Variants in LMO7 observed in about 807,000 individuals in gnomAD.
LMO7 encodes LIM domain 7.
In LMO7, 120 loss-of-function variants were observed where a neutral mutation model predicts 206.5. The ratio of observed to expected loss-of-function variants is 0.58; its 90% CI spans 0.50 to 0.68. LMO7 has a LOEUF of 0.68. Among genes scored for constraint, LMO7 ranks in the 30% least tolerant of loss-of-function variants. The pLI, the probability that LMO7 is intolerant of heterozygous loss-of-function variation, is 0.00. For missense variants in LMO7, 1,959 were observed against 1,957.9 expected (o/e 1.00, Z -0.01); for synonymous variants, 706 against 681.5 (o/e 1.04, Z -0.56).
Position 75,841,720 on chromosome 13 carries a change from G to T in LMO7, c.3768G>T (p.Lys1256Asn). 3.7e-6 allele frequency: 6 copies of T among 1,614,106 alleles called. No homozygotes were observed. The highest frequency in any genetic ancestry group is 5.1e-6 in the Non-Finnish European group (6 of 1,179,998). ...TWEATWSEGS[K>N]SSDREGTRAG... Reference sequence around the variant, plus strand: ...AAGCTACCTGGAGTGAAGGGTCCAAGTCTTCAGACAGAGAAGGAACCCGAG... The same window carrying T: ...AAGCTACCTGGAGTGAAGGGTCCAATTCTTCAGACAGAGAAGGAACCCGAG... The change falls in exon 24 of 31, where the codon AAG becomes AAT. Residue 1256 changes from lysine (K) to asparagine (N), a missense_variant. Coordinates refer to ENST00000377534, the MANE Select transcript of LMO7 (RefSeq NM_001306080.2).
chr13:75,640,568 A>G (rs951600594), intron 1 of LMO7, among the ~76,000 whole-genome samples: 1 of 152,162 alleles, frequency 6.6e-6, no homozygotes, highest in Non-Finnish European at 1.5e-5. Flanking sequence ...CCTGTCTTAC[A>G]TAAATCTCTC....
At chr13:75,855,131 T>G in intron 28 of LMO7, 129 bp from the exon 29 acceptor site, 1 of 529,402 alleles carries the variant, frequency 1.9e-6, no homozygotes, top group Non-Finnish European at 3.4e-6. Context: ...TAAAAGTTAT[T>G]CTCCCACAGA....
chr13:75,691,670 A>G (rs1163710064), intron 1 of LMO7, among the ~76,000 whole-genome samples: 1 of 151,958 alleles, frequency 6.6e-6, no homozygotes, highest in Non-Finnish European at 1.5e-5. Context: ...TTTCCTCTGT[A>G]CCCTACATAC....
chr13:75,628,192 C>T (rs2034461755), intron 2 of LMO7: 1 of 152,210 alleles, frequency 6.6e-6, no homozygotes, highest in Non-Finnish European at 1.5e-5. Flanking sequence ...AAATTTAGGA[C>T]CCTTGCCTTT....
chr13:75,804,826 C>A, intron 8 of LMO7: 1 of 1,101,046 alleles, frequency 9.1e-7, no homozygotes, highest in African/African-American at 1.6e-5. Context: ...TCATGATGAG[C>A]CATGCCATGT....
At chr13:75,713,316 AG>A in intron 2 of LMO7, 64 bp downstream of exon 2, 1 of 1,232,314 alleles carries the variant, frequency 8.1e-7, no homozygotes, top group East Asian at 2.5e-5. Context: ...GTGAGTGATG[AG>A]GTGTTTGGCT....
chr13:75,706,969 G>A (rs118097708), intron 1 of LMO7, among the ~76,000 whole-genome samples: 4,553 of 151,756 alleles, frequency 0.03, 94 homozygotes, highest in Admixed American at 0.047. Context: ...ATAATAATAA[G>A]GATTATTAAA....
At chr13:75,839,703 G>A (rs1333395885) in intron 20 of LMO7, 2 of 157,662 alleles carry the variant, frequency 1.3e-5, no homozygotes, top group African/African-American at 4.9e-5. Flanking sequence ...TTGGGATTTG[G>A]TAGATGTTGT....
At chr13:75,632,473 G>A (rs1186329823), upstream of LMO7, among the ~76,000 whole-genome samples, 2 of 152,058 alleles carry the variant, frequency 1.3e-5, no homozygotes, top group Non-Finnish European at 2.9e-5. Flanking sequence ...TTTATTGAGT[G>A]CCTACTCTAT....
intron 3 of LMO7, chr13:75,760,659 G>T (rs1293344744): frequency 6.7e-7 from 1 of 1,500,540 alleles, no homozygotes; most frequent in Non-Finnish European, 8.9e-7. Context: ...CACTTGTCCT[G>T]TAACAGGTAA....
chr13:75,756,959 C>T (rs1458703725), intron 3 of LMO7, among the ~76,000 whole-genome samples: 1 of 152,132 alleles, frequency 6.6e-6, no homozygotes, highest in Non-Finnish European at 1.5e-5. Context: ...GACAGTCCCC[C>T]AGAAAGCCCT....
At chr13:75,842,076 A>G (rs2059594724) in intron 24 of LMO7, 93 bp downstream of exon 24, 7 of 896,234 alleles carry the variant, frequency 7.8e-6, no homozygotes, top group Non-Finnish European at 1.0e-5. Context: ...CCTACCACCC[A>G]TTCTCCACAC....
At chr13:75,743,759 T>A (rs1284912584) in intron 3 of LMO7, among the ~76,000 whole-genome samples, 2 of 152,088 alleles carry the variant, frequency 1.3e-5, no homozygotes, top group Non-Finnish European at 2.9e-5. Context: ...CTAGGCTTAG[T>A]ACCTGGGTGA....
intron 1 of LMO7, among the ~76,000 whole-genome samples, chr13:75,672,304 C>T (rs1047239387): frequency 3.4e-5 from 5 of 148,658 alleles, no homozygotes; most frequent in East Asian, 2.0e-4. Context: ...TGCAATGGCA[C>T]AATCTCCACT....
At chr13:75,780,783 G>A (rs1352362468) in intron 4 of LMO7, among the ~76,000 whole-genome samples, 2 of 152,152 alleles carry the variant, frequency 1.3e-5, no homozygotes, top group Non-Finnish European at 2.9e-5. Context: ...TTCATTTGGG[G>A]AACTAATAAA....
In LMO7 at chr13:75,746,433, G is replaced by A. The variant is rs557556898; in HGVS notation, c.211-14499G>A. Among the ~76,000 whole-genome samples, 28 of 152,294 alleles carry A rather than the reference G, an allele frequency of 1.8e-4. No individual in the cohort carries two copies. The South Asian group carries it at 2.1e-3, about 11-fold the overall frequency. On this transcript the variant is annotated intron_variant, in intron 3 of 30. Coordinates refer to ENST00000377534, the MANE Select transcript of LMO7 (RefSeq NM_001306080.2). ...AAATGCTCTAAAGCAACAGATCAAC[G>A]GGCGTGTCCCCATGGAGAGTGTGGG...
upstream of LMO7, among the ~76,000 whole-genome samples, chr13:75,632,463 T>C (rs2035072443): frequency 6.6e-6 from 1 of 152,124 alleles, no homozygotes; most frequent in Non-Finnish European, 1.5e-5. Context: ...TCAACCTTCA[T>C]TTATTGAGTG....
chr13:75,627,880 T>C (rs1169560787), intron 2 of LMO7: 1 of 151,742 alleles, frequency 6.6e-6, no homozygotes, highest in African/African-American at 2.4e-5. Context: ...CTAGCTAGAA[T>C]GGGGGACCTT....
chr13:75,628,069 A>G (rs1335780747), intron 2 of LMO7: 1 of 152,208 alleles, frequency 6.6e-6, no homozygotes, highest in Non-Finnish European at 1.5e-5. Flanking sequence ...GAAAGTTACC[A>G]TCTCAGTTGA....
Sources: allele counts gnomAD v4.1 joint callset (sites outside exome capture counted in the v4.1 genomes callset), GRCh38; gene constraint gnomAD v4.1.1; transcripts MANE v1.5; gene names NCBI Gene and HGNC (gene_info 2026-07-23, HGNC 2026-07-21).